IGF1R: variants seen among roughly 807,000 people sequenced by gnomAD.
IGF1R encodes insulin like growth factor 1 receptor, also known as insulin-like growth factor 1 receptor.
In IGF1R, 44 loss-of-function variants were observed where a neutral mutation model predicts 144.6. The ratio of observed to expected loss-of-function variants is 0.30; its 90% CI spans 0.24 to 0.39. The LOEUF (loss-of-function observed/expected upper bound fraction) is 0.39. Ranked by LOEUF, IGF1R falls within the 10% of genes least tolerant of loss-of-function variation. IGF1R has a pLI of 1.00. For missense variants in IGF1R, 1,355 were observed against 1,833.7 expected, an observed-to-expected ratio of 0.74 and a Z score of 4.77; for synonymous variants, 795 against 722.8, an observed-to-expected ratio of 1.10 and a Z score of -1.60.
chr15:98,854,605 T>A (rs2011690251), intron 2 of IGF1R, among the ~76,000 whole-genome samples: 1 of 152,196 alleles, frequency 6.6e-6, no homozygotes, highest in African/African-American at 2.4e-5. Context: ...AGCCTGTTCA[T>A]TTTTTCCATG....
At chr15:98,941,260 A>G (rs2016354470) in intron 18 of IGF1R, among the ~76,000 whole-genome samples, 1 of 152,254 alleles carries the variant, frequency 6.6e-6, no homozygotes. Context: ...GGCACAGGGC[A>G]GGGCCTCTCC....
intron 2 of IGF1R, among the ~76,000 whole-genome samples, chr15:98,882,281 A>G (rs1338359166): frequency 6.6e-6 from 1 of 152,226 alleles, no homozygotes; most frequent in Non-Finnish European, 1.5e-5. Context: ...AGACACCTGC[A>G]TGAGGGCTGG....
At chr15:98,682,208 A>T (rs1167145547) in intron 1 of IGF1R, among the ~76,000 whole-genome samples, 1 of 152,202 alleles carries the variant, frequency 6.6e-6, no homozygotes, top group Non-Finnish European at 1.5e-5. Flanking sequence ...CTCCTAAATC[A>T]TATTAGGACT....
Position 98,960,009 on chromosome 15 carries a change from A to C in IGF1R, c.*2567A>C, listed in dbSNP as rs1342295290. 1.3e-5 allele frequency: 3 copies of C among 233,158 alleles called. No individual in the cohort carries two copies. The Admixed American group carries it at 1.7e-4, about 13-fold the overall frequency. 14.4% of individuals were successfully genotyped at this position (233,158 alleles called of 1,614,324 possible). A position where few individuals can be genotyped will look rare whatever the true frequency, so the allele number is the denominator to read the frequency against. ...TATGTGTGGGGTGTGTGTGTGTGAG[A>C]GTGATGGGACAGTTCTTGATTTTTT... is the stretch of plus-strand genomic sequence containing the variant. On this transcript the variant is annotated 3_prime_UTR_variant, in exon 21 of 21. Coordinates refer to ENST00000650285, the MANE Select transcript of IGF1R (RefSeq NM_000875.5).
chr15:98,686,081 TTC>T lies in IGF1R; in HGVS notation c.95-21479_95-21478del, dbSNP rs2141222879. 2.0e-5 allele frequency among the ~76,000 whole-genome samples: 3 copies of T among 152,324 alleles called. No individual in the cohort carries two copies. The South Asian group carries it at 6.2e-4, about 32-fold the overall frequency. ...AGTCTTTGGCAACCGCCATTCCACTTTCTGTCTGTAAATTTGACTGTCTGGAT... is the reference window on the plus strand; with the variant it reads ...AGTCTTTGGCAACCGCCATTCCACTTTGTCTGTAAATTTGACTGTCTGGAT... On this transcript the variant is annotated intron_variant, in intron 1 of 20. Transcript: ENST00000650285.
Position 98,958,284 on chromosome 15 carries a change from T to TCCCTGCCCTGCCTCCCCAGCC in IGF1R, c.*851_*871dup. 4.3e-6 allele frequency: 1 copy of TCCCTGCCCTGCCTCCCCAGCC among 231,224 alleles called. No individual in the cohort carries two copies. The highest frequency in any genetic ancestry group is 8.6e-6 in the Non-Finnish European group (1 of 116,912). 14.3% of individuals were successfully genotyped at this position (231,224 alleles called of 1,614,324 possible). A position where few individuals can be genotyped will look rare whatever the true frequency, so the allele number is the denominator to read the frequency against. ...AAGGTGGGGAGAAGCTGAACCGGCT[T>TCCCTGCCCTGCCTCCCCAGCC]CCCTGCCCTGCCTCCCCAGCCCCCT... On this transcript the variant is annotated 3_prime_UTR_variant, in exon 21 of 21. Transcript: ENST00000650285.
At chr15:98,823,058 G>T (rs1036888540) in intron 2 of IGF1R, among the ~76,000 whole-genome samples, 1 of 152,042 alleles carries the variant, frequency 6.6e-6, no homozygotes, top group Non-Finnish European at 1.5e-5. Context: ...TTTTCTTCCC[G>T]TTCCCCCCAC....
intron 20 of IGF1R, among the ~76,000 whole-genome samples, chr15:98,953,865 TG>T (rs2016873581): frequency 1.3e-5 from 2 of 152,092 alleles, no homozygotes. Flanking sequence ...AGTGCTTGAG[TG>T]GGACCCAGAC....
At chr15:98,949,347 G>A (rs1030717193) in intron 20 of IGF1R, among the ~76,000 whole-genome samples, 3 of 151,196 alleles carry the variant, frequency 2.0e-5, no homozygotes, top group Non-Finnish European at 4.4e-5. Flanking sequence ...ACAGAAGGAT[G>A]CCAGTGCTGG....
chr15:98,800,598 C>G (rs2056340565), intron 2 of IGF1R, among the ~76,000 whole-genome samples: 1 of 152,186 alleles, frequency 6.6e-6, no homozygotes. Context: ...GTTAGAACCG[C>G]CACTGAACAG....
intron 1 of IGF1R, among the ~76,000 whole-genome samples, chr15:98,670,877 G>T (rs922752745): frequency 6.6e-6 from 1 of 152,146 alleles, no homozygotes; most frequent in Non-Finnish European, 1.5e-5. Context: ...CCTGCCGGTA[G>T]AATTGATATG....
chr15:98,878,868 C>T (rs898229898), intron 2 of IGF1R, among the ~76,000 whole-genome samples: 2 of 151,766 alleles, frequency 1.3e-5, no homozygotes, highest in Non-Finnish European at 2.9e-5. Flanking sequence ...TGGTGGTGGG[C>T]GCCTATAATC....
At chr15:98,703,908 TAATCCAAA>T (rs936083329) in intron 1 of IGF1R, among the ~76,000 whole-genome samples, 28 of 152,364 alleles carry the variant, frequency 1.8e-4, no homozygotes, top group African/African-American at 6.7e-4. Flanking sequence ...TGAGCCTGTC[TAATCCAAA>T]AATCCAAAAT....
At position 98,908,757 on chromosome 15, in the gene IGF1R, C is replaced by A; in HGVS notation, c.1320C>A (p.Thr440=). Residue 440 remains threonine (T), a synonymous_variant, in exon 6 of 21, where the codon ACC becomes ACA. Coordinates refer to ENST00000650285, the MANE Select transcript of IGF1R (RefSeq NM_000875.5). The part of the protein sequence containing the change: ...QLWDWDHRNL[T]IKAGKMYFAF... The stretch of plus-strand genomic sequence containing the variant: ...GGGACTGGGACCACCGCAACCTGAC[C>A]ATCAAAGCAGGGAAAATGTACTTTG... 2 of 1,614,134 alleles carry A rather than the reference C, an allele frequency of 1.2e-6. No individual in the cohort carries two copies. The highest frequency in any genetic ancestry group is 1.7e-6 in the Non-Finnish European group (2 of 1,180,004).
chr15:98,883,774 C>T (rs1050838544), intron 2 of IGF1R, among the ~76,000 whole-genome samples: 5 of 152,260 alleles, frequency 3.3e-5, no homozygotes, highest in East Asian at 1.9e-4. Context: ...CCCTTTCTGT[C>T]GAAAGTGTTC....
At chr15:98,879,147 T>C (rs751959045) in intron 2 of IGF1R, among the ~76,000 whole-genome samples, 1 of 152,234 alleles carries the variant, frequency 6.6e-6, no homozygotes, top group Non-Finnish European at 1.5e-5. Context: ...GCCTTTGTCC[T>C]TGATTTTTTG....
intron 2 of IGF1R, among the ~76,000 whole-genome samples, chr15:98,852,520 C>T (rs1421367443): frequency 6.6e-6 from 1 of 152,182 alleles, no homozygotes; most frequent in East Asian, 1.9e-4. Context: ...GTGGGCATCC[C>T]GCAAGGATGC....
chr15:98,956,993 G>A (rs767572242), intron 20 of IGF1R, 68 bp from the exon 21 acceptor site: 138 of 1,569,626 alleles, frequency 8.8e-5, no homozygotes, highest in Non-Finnish European at 1.2e-4. Flanking sequence ...ACTGCAGGCG[G>A]CCCATGAAGC....
chr15:98,924,935 T>G (rs941720749), intron 13 of IGF1R, among the ~76,000 whole-genome samples: 1 of 151,830 alleles, frequency 6.6e-6, no homozygotes, highest in Non-Finnish European at 1.5e-5. Flanking sequence ...CCTTTGAGGT[T>G]GTGTAACCAC....
Sources: gnomAD v4.1 joint callset for allele counts (sites outside exome capture counted in the v4.1 genomes callset) on GRCh38, gnomAD v4.1.1 for gene constraint, MANE v1.5 for transcripts, NCBI Gene and HGNC (gene_info 2026-07-23, HGNC 2026-07-21) for gene names.